Variants in COQ10B observed in about 807,000 individuals in gnomAD.
The protein encoded by COQ10B is coenzyme Q-binding protein COQ10 homolog B, mitochondrial.
Under a neutral mutation model 27.6 loss-of-function variants are expected in COQ10B, and 12 were observed. That is an observed-to-expected ratio of 0.43 (90% CI 0.28 to 0.70). The LOEUF is 0.70. Ranked by LOEUF, COQ10B falls within the 30% of genes least tolerant of loss-of-function variation. The pLI is 0.17. For missense variants in COQ10B, 278 were observed against 288.7 expected (o/e 0.96, Z 0.27); for synonymous variants, 115 against 103.0 (o/e 1.12, Z -0.71).
Position 197,475,157 on chromosome 2 carries a change from T to C in COQ10B, c.*1233T>C, listed in dbSNP as rs529336275. 1 of 152,524 alleles carries C rather than the reference T, an allele frequency of 6.6e-6. No individual in the cohort carries two copies. Among genetic ancestry groups the C allele is most frequent in the East Asian group, 1.9e-4 (1 of 5,334 alleles). 9.4% of individuals were successfully genotyped at this position (152,524 alleles called of 1,614,324 possible). A position where few individuals can be genotyped will look rare whatever the true frequency, so the allele number is the denominator to read the frequency against. Reference sequence around the variant, plus strand: ...GTTAGTTTGGTTATTGAAATCTTCCTATATTGTTTAAATGTGTATTTGCAT... The same window carrying C: ...GTTAGTTTGGTTATTGAAATCTTCCCATATTGTTTAAATGTGTATTTGCAT... On this transcript the variant is annotated 3_prime_UTR_variant, in exon 5 of 5. Coordinates refer to ENST00000263960, the MANE Select transcript of COQ10B (RefSeq NM_025147.5).
chr2:197,472,052 A>G (rs1204209698), intron 4 of COQ10B, among the ~76,000 whole-genome samples: 4 of 151,920 alleles, frequency 2.6e-5, no homozygotes, highest in Admixed American at 6.6e-5. Flanking sequence ...CCTGATTTTG[A>G]TAATTGCAGT....
At chr2:197,473,495 C>T (rs1438457657) in intron 4 of COQ10B, among the ~76,000 whole-genome samples, 4 of 119,330 alleles carry the variant, frequency 3.4e-5, no homozygotes, top group East Asian at 2.5e-4. Flanking sequence ...TATGTATATA[C>T]GTATATATAT....
chr2:197,474,041 T>TA lies in COQ10B; in HGVS notation c.*120dup. ...CATTTGTTAAACGCAGCTTTGGTTA[T>TA]AAACCTGCACCATTGAAAATTTGCA... On this transcript the variant is annotated 3_prime_UTR_variant, in exon 5 of 5. Transcript: ENST00000263960. 1.4e-6 allele frequency: 1 copy of TA among 726,530 alleles called. No homozygotes were observed. Among genetic ancestry groups the TA allele is most frequent in the Middle Eastern group, 3.4e-4 (1 of 2,942 alleles). The allele number at this position is 726,530 out of a possible 1,614,324, so 45.0% of individuals were successfully genotyped here.
chr2:197,456,850 G>A (rs1054423257), intron 1 of COQ10B, among the ~76,000 whole-genome samples: 3 of 152,104 alleles, frequency 2.0e-5, no homozygotes, highest in Non-Finnish European at 4.4e-5. Flanking sequence ...TGGGAGAAAG[G>A]AAGGGATAGG....
intron 1 of COQ10B, among the ~76,000 whole-genome samples, chr2:197,454,761 A>G (rs916307466): frequency 6.6e-6 from 1 of 152,202 alleles, no homozygotes; most frequent in African/African-American, 2.4e-5. Context: ...CAGTTCCAAG[A>G]TAAATACTGT....
intron 2 of COQ10B, among the ~76,000 whole-genome samples, chr2:197,462,193 C>G (rs909813163): frequency 6.6e-6 from 1 of 150,524 alleles, no homozygotes; most frequent in Non-Finnish European, 1.5e-5. Context: ...CGCTTGAACC[C>G]GGGAGGTGGA....
Position 197,473,754 on chromosome 2 carries a change from C to A in COQ10B, c.550-3C>A. ...TAAAATAATTTTCAATATTTTCCTA[C>A]AGATTTCTTTTGAATTTCGATCACT... On this transcript the variant is annotated splice_polypyrimidine_tract_variant and splice_region_variant and intron_variant, in intron 4 of 4. Coordinates refer to ENST00000263960, the MANE Select transcript of COQ10B (RefSeq NM_025147.5). 2.1e-6 allele frequency: 3 copies of A among 1,448,228 alleles called. No individual in the cohort carries two copies. The highest frequency in any genetic ancestry group is 1.8e-6 in the Non-Finnish European group (2 of 1,084,190). 89.7% of individuals were successfully genotyped at this position (1,448,228 alleles called of 1,614,324 possible).
Position 197,461,586 on chromosome 2 carries a change from T to A in COQ10B, c.255-953T>A, listed in dbSNP as rs2085758193. On this transcript the variant is annotated intron_variant, in intron 2 of 4. Transcript: ENST00000263960. ...GTGTGTGTGTGTGTGTGTGTGTGTG[T>A]GTGTGTGTGAGGGAGGGAGAGGGAG... 2.6e-5 allele frequency among the ~76,000 whole-genome samples: 4 copies of A among 151,088 alleles called. No homozygotes were observed. The South Asian group carries it at 8.3e-4, about 31-fold the overall frequency.
Position 197,474,028 on chromosome 2 carries a change from G to A in COQ10B, c.*104G>A, listed in dbSNP as rs746609981. The A allele has an allele frequency of 2.1e-5, 20 of 941,212 alleles. No individual in the cohort carries two copies. The highest frequency in any genetic ancestry group is 8.8e-5 in the East Asian group (3 of 34,176). 58.3% of individuals were successfully genotyped at this position (941,212 alleles called of 1,614,324 possible). ...AGAAGCCAGAAAGCATTTGTTAAAC[G>A]CAGCTTTGGTTATAAACCTGCACCA... On this transcript the variant is annotated 3_prime_UTR_variant, in exon 5 of 5. Transcript: ENST00000263960.
At chr2:197,468,299 C>T (rs909596095) in intron 3 of COQ10B, among the ~76,000 whole-genome samples, 4 of 151,652 alleles carry the variant, frequency 2.6e-5, no homozygotes, top group Admixed American at 1.3e-4. Context: ...AAAAATTAGC[C>T]GAGCATGGTG....
At chr2:197,462,759 A>G in intron 3 of COQ10B, 28 bp downstream of exon 3, 1 of 1,330,104 alleles carries the variant, frequency 7.5e-7, no homozygotes, top group Non-Finnish European at 1.0e-6. Context: ...TGTTGTTTTT[A>G]AATATTCTTC....
chr2:197,460,033 C>T lies in COQ10B; in HGVS notation c.206C>T (p.Ala69Val). The change falls in exon 2 of 5, where the codon GCA (alanine) becomes GTA (valine). Residue 69 changes from alanine (A) to valine (V), a missense_variant. Transcript: ENST00000263960. Reference protein sequence around the residue: ...ICARTFFKITAPLINKRKEYS... With the variant: ...ICARTFFKITVPLINKRKEYS... ...GCACGAACTTTCTTCAAAATCACTG[C>T]ACCATTAATAAACAAAAGGAAAGAA... The T allele has an allele frequency of 1.2e-6, 2 of 1,610,884 alleles. No homozygotes were observed. The highest frequency in any genetic ancestry group is 3.3e-5 in the Admixed American group (2 of 59,814).
At chr2:197,470,793 G>T (rs1448993249) in intron 4 of COQ10B, among the ~76,000 whole-genome samples, 1 of 152,182 alleles carries the variant, frequency 6.6e-6, no homozygotes, top group Non-Finnish European at 1.5e-5. Context: ...TACTCAGGAG[G>T]CTGAGACAGG....
At position 197,475,292 on chromosome 2, in the gene COQ10B, G is replaced by A. The variant is rs1419121948; in HGVS notation, c.*1368G>A. 1 of 152,110 alleles carries A rather than the reference G, an allele frequency of 6.6e-6. No homozygotes were observed. The highest frequency in any genetic ancestry group is 1.5e-5 in the Non-Finnish European group (1 of 68,018). 9.4% of individuals were successfully genotyped at this position (152,110 alleles called of 1,614,324 possible). On this transcript the variant is annotated 3_prime_UTR_variant, in exon 5 of 5. Coordinates refer to ENST00000263960, the MANE Select transcript of COQ10B (RefSeq NM_025147.5). The stretch of plus-strand genomic sequence containing the variant: ...CTTTAACAAATATAAGCAAAATTCA[G>A]TTTTCTTTTAACCAGTCATTGATCT...
intron 3 of COQ10B, among the ~76,000 whole-genome samples, chr2:197,469,415 G>T (rs2085857858): frequency 1.3e-5 from 2 of 152,168 alleles, no homozygotes; most frequent in African/African-American, 4.8e-5. Flanking sequence ...CTACCAAGAT[G>T]CCCTGCACAT....
At chr2:197,456,459 T>C (rs1461216493) in intron 1 of COQ10B, among the ~76,000 whole-genome samples, 3 of 142,336 alleles carry the variant, frequency 2.1e-5, no homozygotes, top group Non-Finnish European at 4.6e-5. Context: ...CGAGACTCCA[T>C]CTCAAAAAAA....
chr2:197,467,229 G>A (rs1048976351), intron 3 of COQ10B, among the ~76,000 whole-genome samples: 2 of 151,960 alleles, frequency 1.3e-5, no homozygotes, highest in African/African-American at 4.8e-5. Context: ...TTACAGGAAT[G>A]AGCCACCATG....
At chr2:197,453,824 A>T in intron 1 of COQ10B, 160 bp downstream of exon 1, 1 of 1,046,158 alleles carries the variant, frequency 9.6e-7, no homozygotes, top group Non-Finnish European at 1.4e-6. Flanking sequence ...TGAGGGACTC[A>T]AGAGCGGCGC....
intron 1 of COQ10B, among the ~76,000 whole-genome samples, chr2:197,456,792 T>TA (rs949535338): frequency 4.7e-5 from 7 of 149,974 alleles, no homozygotes; most frequent in South Asian, 2.1e-4. Context: ...AAAAATAAAT[T>TA]AAAAAAAAAT....
Sources: gnomAD v4.1 joint callset for allele counts (sites outside exome capture counted in the v4.1 genomes callset) on GRCh38, gnomAD v4.1.1 for gene constraint, MANE v1.5 for transcripts, NCBI Gene and HGNC (gene_info 2026-07-23, HGNC 2026-07-21) for gene names.